Variants in CD28 observed in about 807,000 individuals in gnomAD.
CD28 encodes T-cell-specific surface glycoprotein CD28.
In CD28, 8 loss-of-function variants were observed where a neutral mutation model predicts 21.4. The ratio of observed to expected loss-of-function variants is 0.37; its 90% confidence interval spans 0.22 to 0.68. The LOEUF (loss-of-function observed/expected upper bound fraction) is 0.68, where lower values mean the gene tolerates loss of function less well. CD28 is among the 30% of genes least tolerant of loss of function. CD28 has a pLI of 0.55. For missense variants in CD28, 239 were observed against 272.2 expected (o/e 0.88, Z 0.86); for synonymous variants, 106 against 104.0 (o/e 1.02, Z -0.12).
chr2:203,711,081 G>A (rs1693298914), intron 1 of CD28, among the ~76,000 whole-genome samples: 2 of 152,032 alleles, frequency 1.3e-5, no homozygotes, highest in South Asian at 4.1e-4. Flanking sequence ...TGATTTATTT[G>A]GCCGTTTTTG....
intron 1 of CD28, among the ~76,000 whole-genome samples, chr2:203,722,889 G>C (rs1255009537): frequency 6.6e-6 from 1 of 152,164 alleles, no homozygotes; most frequent in Admixed American, 6.5e-5. Context: ...AGGAAATGAG[G>C]TTGGAAAAAC....
At chr2:203,732,951 T>C (rs1693935266) in intron 3 of CD28, among the ~76,000 whole-genome samples, 1 of 152,234 alleles carries the variant, frequency 6.6e-6, no homozygotes, top group African/African-American at 2.4e-5. Flanking sequence ...GACACCTTTA[T>C]TGCTGTGGCC....
At chr2:203,720,248 C>A (rs572367837) in intron 1 of CD28, among the ~76,000 whole-genome samples, 4 of 152,056 alleles carry the variant, frequency 2.6e-5, no homozygotes, top group Admixed American at 1.3e-4. Flanking sequence ...TGTCTCCACA[C>A]CTTTAGCTGG....
intron 1 of CD28, among the ~76,000 whole-genome samples, chr2:203,712,134 G>C (rs550673386): frequency 2.6e-4 from 40 of 152,226 alleles, no homozygotes; most frequent in Non-Finnish European, 3.5e-4. Context: ...AGAGGTTGCA[G>C]TGAGCAGAGA....
chr2:203,716,647 G>A (rs1332614024), intron 1 of CD28, among the ~76,000 whole-genome samples: 1 of 151,968 alleles, frequency 6.6e-6, no homozygotes, highest in African/African-American at 2.4e-5. Flanking sequence ...TGCTCATATG[G>A]GACTTTTTGC....
chr2:203,707,000 TTTA>T (rs1475515650), intron 1 of CD28, among the ~76,000 whole-genome samples: 1 of 151,770 alleles, frequency 6.6e-6, no homozygotes. Context: ...GTCCCAAGAA[TTTA>T]TTATTATTAT....
At position 203,707,930 on chromosome 2, in the gene CD28, G is replaced by A. The variant is rs376231296; in HGVS notation, c.52+1182G>A. Among the ~76,000 whole-genome samples the A allele has an allele frequency of 1.9e-3, 293 of 152,300 alleles. 8 individuals carry two copies. In the South Asian group the frequency reaches 0.056, roughly 29 times the overall value. ...CAGAAAGAATTTGTTACTTGGGTGG[G>A]CTGGAGTAAGATGCTCATTCAACGT... On this transcript the variant is annotated intron_variant, in intron 1 of 3. Transcript: ENST00000324106.
In CD28 at chr2:203,729,755, G is replaced by A; in HGVS notation, c.517G>A (p.Ala173Thr). Residue 173 changes from alanine (A) to threonine (T), a missense_variant, in exon 3 of 4, where the codon GCC becomes ACC. By Grantham distance (58) the Ala-to-Thr change is moderately conservative (BLOSUM62 0). This residue lies in a region of CD28 where 112 missense variants were observed against 112.8 expected (regional missense o/e 0.99). Transcript: ENST00000324106. ...TTGCTATAGCTTGCTAGTAACAGTG[G>A]CCTTTATTATTTTCTGGGTAAGAGA... ...LACYSLLVTV[A>T]FIIFWVRSKR... 1 of 1,613,782 alleles carries A rather than the reference G, an allele frequency of 6.2e-7. No homozygotes were observed. Among genetic ancestry groups the A allele is most frequent in the Non-Finnish European group, 8.5e-7 (1 of 1,179,872 alleles).
In CD28 at chr2:203,736,837, G is replaced by A. The variant is rs898917741; in HGVS notation, c.*1925G>A. ...CTTCCTATAGTATAATCTCCATAAG[G>A]GCATGGCCCAAGTCTGTCTTTGACT... On this transcript the variant is annotated 3_prime_UTR_variant, in exon 4 of 4. Transcript: ENST00000324106. 6.6e-6 allele frequency: 1 copy of A among 152,100 alleles called. No individual in the cohort carries two copies. Among genetic ancestry groups the A allele is most frequent in the African/African-American group, 2.4e-5 (1 of 41,396 alleles). The allele number at this position is 152,100 out of a possible 1,614,324, so 9.4% of individuals were successfully genotyped here.
intron 1 of CD28, among the ~76,000 whole-genome samples, chr2:203,708,404 A>C (rs1485866824): frequency 6.6e-6 from 1 of 152,248 alleles, no homozygotes; most frequent in Admixed American, 6.5e-5. Context: ...AACTTAAAGA[A>C]TATTTAAAAT....
intron 1 of CD28, among the ~76,000 whole-genome samples, chr2:203,719,731 A>G (rs1321888928): frequency 5.3e-5 from 8 of 152,206 alleles, no homozygotes; most frequent in Non-Finnish European, 1.2e-4. Flanking sequence ...ATGAGATAAG[A>G]GACAGCATTT....
At position 203,726,762 on chromosome 2, in the gene CD28, G is replaced by C; in HGVS notation, c.182G>C (p.Ser61Thr). The change falls in exon 2 of 4, where the codon AGT (serine) becomes ACT (threonine). Residue 61 changes from serine to threonine, a missense_variant. By Grantham distance (58) the Ser-to-Thr change is moderately conservative. Transcript: ENST00000324106. ...GCATCCCTTCACAAAGGACTGGATA[G>C]TGCTGTGGAAGTCTGTGTTGTATAT... ...FRASLHKGLD[S>T]AVEVCVVYGN... 1 of 1,614,140 alleles carries C rather than the reference G, an allele frequency of 6.2e-7. No individual in the cohort carries two copies. The highest frequency in any genetic ancestry group is 1.3e-5 in the African/African-American group (1 of 75,034).
intron 1 of CD28, among the ~76,000 whole-genome samples, chr2:203,712,194 C>CA (rs1419975643): frequency 2.8e-4 from 23 of 82,856 alleles, no homozygotes; most frequent in Admixed American, 3.4e-4. Flanking sequence ...TCCGTCTCAA[C>CA]AACAACAAAA....
At chr2:203,734,451 A>G (rs1693973397) in intron 3 of CD28, among the ~76,000 whole-genome samples, 1 of 152,234 alleles carries the variant, frequency 6.6e-6, no homozygotes, top group Non-Finnish European at 1.5e-5. Flanking sequence ...GGTAGGCTTA[A>G]CCTAGTCAAA....
rs1016664157 is a variant in CD28 at position 203,734,854 on chromosome 2, C to T, written c.605C>T (p.Thr202Ile). ...ATGACTCCCCGCCGCCCCGGGCCCACCCGCAAGCATTACCAGCCCTATGCC... is the reference window on the plus strand; with the variant it reads ...ATGACTCCCCGCCGCCCCGGGCCCATCCGCAAGCATTACCAGCCCTATGCC... ...MNMTPRRPGP[T>I]RKHYQPYAPP... is the part of the protein sequence containing the mutation. Residue 202 changes from threonine (T) to isoleucine (I), a missense_variant, in exon 4 of 4, where the codon ACC becomes ATC. By Grantham distance (89) the Thr-to-Ile change is moderately conservative. Transcript: ENST00000324106. 4 of 1,614,096 alleles carry T rather than the reference C, an allele frequency of 2.5e-6. No individual in the cohort carries two copies. Among genetic ancestry groups the T allele is most frequent in the Non-Finnish European group, 3.4e-6 (4 of 1,180,042 alleles).
intron 1 of CD28, among the ~76,000 whole-genome samples, chr2:203,726,080 G>A (rs1430171556): frequency 6.6e-6 from 1 of 152,048 alleles, no homozygotes; most frequent in Non-Finnish European, 1.5e-5. Flanking sequence ...GCGTGGTGGT[G>A]CATACCTGTA....
At chr2:203,729,837 G>T (rs556849289) in intron 3 of CD28, 65 bp downstream of exon 3, 29 of 1,545,128 alleles carry the variant, frequency 1.9e-5, no homozygotes, top group African/African-American at 1.4e-5. Context: ...ACACATTCAA[G>T]AATTTTGCCT....
Position 203,724,960 on chromosome 2 carries a change from T to C in CD28, c.53-1673T>C, listed in dbSNP as rs578051886. 8.5e-5 allele frequency among the ~76,000 whole-genome samples: 13 copies of C among 152,272 alleles called. 1 individual carries two copies. In the South Asian group the frequency reaches 2.5e-3, roughly 29 times the overall value. The stretch of plus-strand genomic sequence containing the variant: ...AAAAATGCTTTTGTTTGCATTGAAA[T>C]TTGAATCAAAGACACAAAGTGGTTT... On this transcript the variant is annotated intron_variant, in intron 1 of 3. Transcript: ENST00000324106.
intron 1 of CD28, 78 bp downstream of exon 1, chr2:203,706,826 A>G: frequency 1.8e-6 from 2 of 1,123,088 alleles, no homozygotes; most frequent in Non-Finnish European, 1.3e-6. Context: ...TTAAATTTCT[A>G]ACAATGTGTG....
Sources: gnomAD v4.1 joint callset for allele counts (sites outside exome capture counted in the v4.1 genomes callset) on GRCh38, gnomAD v4.1.1 for gene constraint, gnomAD v4.1.1 regional missense constraint, MANE v1.5 for transcripts, NCBI Gene and HGNC (gene_info 2026-07-23, HGNC 2026-07-21) for gene names.